Variants in SGCZ observed in about 807,000 individuals in gnomAD.
The protein encoded by SGCZ is sarcoglycan zeta.
In SGCZ, 40 loss-of-function variants were observed where a neutral mutation model predicts 41.3. The observed-to-expected ratio is 0.97, with a 90% CI of 0.75 to 1.26. The LOEUF (loss-of-function observed/expected upper bound fraction) is 1.26, where lower values mean the gene tolerates loss of function less well. Ranked by LOEUF, SGCZ falls within the 50% of genes most tolerant of loss-of-function variation. The pLI, the probability that SGCZ is intolerant of heterozygous loss-of-function variation, is 0.00. For synonymous variants in SGCZ, 206 were observed against 137.5 expected, an observed-to-expected ratio of 1.50 and a Z score of -3.49; for missense variants, 552 against 369.8, an observed-to-expected ratio of 1.49 and a Z score of -4.04.
chr8:14,964,331 G>T (rs1413872783), intron 1 of SGCZ, among the ~76,000 whole-genome samples: 3 of 152,126 alleles, frequency 2.0e-5, no homozygotes, highest in Non-Finnish European at 4.4e-5. Context: ...ATACAAATTT[G>T]ACTATTCCTC....
At chr8:14,745,288 G>C (rs933391203) in intron 1 of SGCZ, among the ~76,000 whole-genome samples, 9 of 152,068 alleles carry the variant, frequency 5.9e-5, no homozygotes, top group Admixed American at 2.0e-4. Context: ...ATATGTCCAA[G>C]GTGCCAAATG....
At chr8:14,887,304 G>C (rs1243358355) in intron 1 of SGCZ, among the ~76,000 whole-genome samples, 1 of 152,078 alleles carries the variant, frequency 6.6e-6, no homozygotes. Flanking sequence ...TATATATGGA[G>C]TCAGTCAACA....
intron 4 of SGCZ, among the ~76,000 whole-genome samples, chr8:14,232,434 T>C (rs990906091): frequency 6.6e-6 from 1 of 151,946 alleles, no homozygotes; most frequent in African/African-American, 2.4e-5. Context: ...CAAATATCAC[T>C]TTGTTTAATT....
At chr8:14,972,665 C>T (rs532172246) in intron 1 of SGCZ, among the ~76,000 whole-genome samples, 17 of 152,154 alleles carry the variant, frequency 1.1e-4, no homozygotes, top group Admixed American at 4.6e-4. Flanking sequence ...CTTTTTATAT[C>T]GTTATTTTAG....
intron 2 of SGCZ, among the ~76,000 whole-genome samples, chr8:14,362,947 G>C (rs1803579213): frequency 1.3e-5 from 2 of 152,170 alleles, no homozygotes; most frequent in Non-Finnish European, 2.9e-5. Flanking sequence ...ATAGTACAAT[G>C]TGGTAAGATG....
chr8:15,216,084 C>T (rs1801389891), intron 1 of SGCZ, among the ~76,000 whole-genome samples: 1 of 152,118 alleles, frequency 6.6e-6, no homozygotes, highest in Non-Finnish European at 1.5e-5. Flanking sequence ...GTGGCCCCAT[C>T]TACTCTGATA....
chr8:14,928,233 A>T (rs1175374190), intron 1 of SGCZ, among the ~76,000 whole-genome samples: 1 of 152,180 alleles, frequency 6.6e-6, no homozygotes, highest in African/African-American at 2.4e-5. Flanking sequence ...GATTACATAA[A>T]ATATTTCAAT....
intron 2 of SGCZ, among the ~76,000 whole-genome samples, chr8:14,361,905 T>G (rs561151752): frequency 6.6e-6 from 1 of 152,310 alleles, no homozygotes; most frequent in African/African-American, 2.4e-5. Flanking sequence ...GCTGTTCCTT[T>G]CTGTTTGTTA....
At chr8:15,207,971 T>C (rs983786388) in intron 1 of SGCZ, among the ~76,000 whole-genome samples, 2 of 152,206 alleles carry the variant, frequency 1.3e-5, no homozygotes, top group African/African-American at 2.4e-5. Flanking sequence ...GTCATTTCCT[T>C]TGTTTGCTTA....
rs139556178 is a variant in SGCZ, at chr8:15,053,278, TCA to T, written c.39+184305_39+184306del. ...CTGCTTCCCTCATAATTGTGAATTT[TCA>T]CAGTTTTTCTTTTATTTGTTTTCCT... On this transcript the variant is annotated intron_variant, in intron 1 of 7. Transcript: ENST00000382080. Among the ~76,000 whole-genome samples the T allele has an allele frequency of 6.5e-3, 997 of 152,290 alleles. 12 individuals are homozygous for T. The highest frequency in any genetic ancestry group is 0.021 in the African/African-American group (865 of 41,556).
chr8:15,230,475 C>T (rs748838487), intron 1 of SGCZ, among the ~76,000 whole-genome samples: 1 of 152,070 alleles, frequency 6.6e-6, no homozygotes, highest in Non-Finnish European at 1.5e-5. Flanking sequence ...TTTTGGTACC[C>T]ATAAAATGAG....
chr8:14,438,526 T>A (rs958077356), intron 2 of SGCZ, among the ~76,000 whole-genome samples: 1 of 151,992 alleles, frequency 6.6e-6, no homozygotes, highest in African/African-American at 2.4e-5. Context: ...GACTTGTACA[T>A]GCTTGGAGAA....
At position 14,180,694 on chromosome 8, in the gene SGCZ, A is replaced by G. The variant is rs550424687; in HGVS notation, c.425-15992T>C. Among the ~76,000 whole-genome samples the G allele has an allele frequency of 3.0e-4, 45 of 152,170 alleles. 1 individual carries two copies. Among genetic ancestry groups the G allele is most frequent in the South Asian group, 6.2e-4 (3 of 4,822 alleles). On this transcript the variant is annotated intron_variant, in intron 4 of 7. Coordinates refer to ENST00000382080, the MANE Select transcript of SGCZ (RefSeq NM_139167.4). ...ACTACCACACATGGCATCACTCCCT[A>G]TGAAGGTTTGTCATGGCCTTTAAAA...
intron 1 of SGCZ, among the ~76,000 whole-genome samples, chr8:14,592,174 A>G (rs1563137894): frequency 6.6e-6 from 1 of 152,192 alleles, no homozygotes; most frequent in Non-Finnish European, 1.5e-5. Context: ...TCATTTAAAC[A>G]TAATTCAGAC....
intron 2 of SGCZ, among the ~76,000 whole-genome samples, chr8:14,412,755 A>T (rs1481824436): frequency 6.6e-6 from 1 of 151,978 alleles, no homozygotes; most frequent in Non-Finnish European, 1.5e-5. Context: ...GCTCACTAAT[A>T]ATGCGCACGT....
chr8:14,616,369 G>T (rs971807974), intron 1 of SGCZ, among the ~76,000 whole-genome samples: 1 of 151,836 alleles, frequency 6.6e-6, no homozygotes, highest in African/African-American at 2.4e-5. Flanking sequence ...ATATAAAAAT[G>T]ATGTAAAATT....
intron 1 of SGCZ, among the ~76,000 whole-genome samples, chr8:15,052,755 G>A (rs1179076608): frequency 1.3e-5 from 2 of 152,108 alleles, no homozygotes; most frequent in Non-Finnish European, 2.9e-5. Flanking sequence ...TCTTTGGAAT[G>A]TCAAGTGGTT....
At chr8:14,501,641 C>T (rs1027301242) in intron 2 of SGCZ, among the ~76,000 whole-genome samples, 10 of 149,068 alleles carry the variant, frequency 6.7e-5, no homozygotes, top group Non-Finnish European at 1.3e-4. Flanking sequence ...CCTCAAAACA[C>T]CTAATATAGC....
intron 1 of SGCZ, among the ~76,000 whole-genome samples, chr8:15,219,101 T>A (rs571406260): frequency 6.6e-6 from 1 of 152,224 alleles, no homozygotes; most frequent in Admixed American, 6.5e-5. Flanking sequence ...AATCAAATTA[T>A]ATTCAATAAC....
Sources: allele counts gnomAD v4.1 joint callset (sites outside exome capture counted in the v4.1 genomes callset), GRCh38; gene constraint gnomAD v4.1.1; transcripts MANE v1.5; gene names NCBI Gene and HGNC (gene_info 2026-07-23, HGNC 2026-07-21).